PARL: variants seen among roughly 807,000 people sequenced by gnomAD.
The protein encoded by PARL is presenilin associated rhomboid like.
In PARL, 44 loss-of-function variants were observed where a neutral mutation model predicts 51.6. The observed-to-expected ratio is 0.85, with a 90% CI of 0.67 to 1.10. The LOEUF (loss-of-function observed/expected upper bound fraction) is 1.10. Among genes scored for constraint, PARL ranks in the 50% least tolerant of loss-of-function variants. PARL has a pLI of 0.00. For synonymous variants in PARL, 172 were observed against 164.0 expected (o/e 1.05, Z -0.37); for missense variants, 441 against 469.5 (o/e 0.94, Z 0.56).
At chr3:183,881,860 A>G (rs1734468705) in intron 1 of PARL, among the ~76,000 whole-genome samples, 1 of 152,194 alleles carries the variant, frequency 6.6e-6, no homozygotes, top group African/African-American at 2.4e-5. Context: ...GGTCAGTTAA[A>G]ACAAAATATA....
chr3:183,859,336 G>T (rs2108656511), intron 4 of PARL, among the ~76,000 whole-genome samples: 1 of 152,160 alleles, frequency 6.6e-6, no homozygotes, highest in South Asian at 2.1e-4. Flanking sequence ...GTAAGAAGGG[G>T]AGGTTTTTGT....
intron 3 of PARL, 113 bp downstream of exon 3, chr3:183,866,512 T>C (rs1216128759): frequency 2.4e-6 from 2 of 843,742 alleles, no homozygotes; most frequent in East Asian, 4.9e-5. Context: ...TCAGATTTCA[T>C]TATTACACAT....
intron 8 of PARL, 23 bp from the exon 9 acceptor site, chr3:183,833,612 C>A (rs749961731): frequency 6.4e-7 from 1 of 1,559,248 alleles, no homozygotes; most frequent in Non-Finnish European, 8.9e-7. Context: ...AAGAAACAAG[C>A]GGCACAACTG....
chr3:183,839,925 G>A (rs1729095251), intron 7 of PARL, among the ~76,000 whole-genome samples: 1 of 151,298 alleles, frequency 6.6e-6, no homozygotes, highest in South Asian at 2.1e-4. Context: ...TGTACAGATA[G>A]GATCTTGGTA....
At chr3:183,827,580 C>CT (rs1472330072), downstream of PARL, among the ~76,000 whole-genome samples, 4 of 152,220 alleles carry the variant, frequency 2.6e-5, no homozygotes, top group East Asian at 7.7e-4. Flanking sequence ...AGTCCAGGGA[C>CT]TAAGAAGTGA....
chr3:183,842,492 C>A (rs1729441475), intron 5 of PARL, 45 bp from the exon 6 acceptor site: 2 of 1,586,718 alleles, frequency 1.3e-6, no homozygotes, highest in Non-Finnish European at 1.7e-6. Flanking sequence ...AAACACACAG[C>A]CAATAAAAAT....
chr3:183,834,121 G>A (rs1229113976), intron 7 of PARL, among the ~76,000 whole-genome samples: 3 of 152,200 alleles, frequency 2.0e-5, no homozygotes, highest in Non-Finnish European at 4.4e-5. Context: ...TTCACCTATG[G>A]CCTAGGAAAG....
chr3:183,829,043 A>C (rs548404380), downstream of PARL, among the ~76,000 whole-genome samples: 2 of 152,370 alleles, frequency 1.3e-5, no homozygotes, highest in South Asian at 2.1e-4. Context: ...TTTATCTACA[A>C]ATTGAACCTA....
intron 4 of PARL, among the ~76,000 whole-genome samples, chr3:183,851,505 C>G (rs977550677): frequency 6.6e-6 from 1 of 151,934 alleles, no homozygotes; most frequent in Non-Finnish European, 1.5e-5. Flanking sequence ...GAGAAACAGG[C>G]ATTTCTCCGA....
In PARL at chr3:183,835,167, A is replaced by AAC. The variant is rs61408691; in HGVS notation, c.829-1343_829-1342insGT. 5.5e-4 allele frequency among the ~76,000 whole-genome samples: 83 copies of AAC among 151,602 alleles called. 1 individual carries two copies. The highest frequency in any genetic ancestry group is 3.4e-3 in the Middle Eastern group (1 of 294). On this transcript the variant is annotated intron_variant, in intron 7 of 9. Transcript: ENST00000317096. ...TATTTATGAATGAGATGTTTAAAAA[A>AAC]AAAAAAAAGACACCTAAGAGCAAAA...
intron 3 of PARL, among the ~76,000 whole-genome samples, chr3:183,863,055 T>C (rs1182107161): frequency 6.6e-6 from 1 of 152,168 alleles, no homozygotes; most frequent in African/African-American, 2.4e-5. Context: ...CTTCAGTTTC[T>C]TGACACATGA....
At chr3:183,838,809 C>G (rs754524794) in intron 7 of PARL, among the ~76,000 whole-genome samples, 1 of 152,320 alleles carries the variant, frequency 6.6e-6, no homozygotes, top group South Asian at 2.1e-4. Flanking sequence ...ATGAGGACAA[C>G]AGCTGTCCAA....
chr3:183,848,731 G>T (rs1463033017), intron 4 of PARL, among the ~76,000 whole-genome samples: 1 of 152,160 alleles, frequency 6.6e-6, no homozygotes, highest in African/African-American at 2.4e-5. Context: ...TTCACAGAGG[G>T]CATTTGTCAA....
At chr3:183,878,198 A>G (rs1003850989) in intron 1 of PARL, among the ~76,000 whole-genome samples, 1 of 152,156 alleles carries the variant, frequency 6.6e-6, no homozygotes, top group Non-Finnish European at 1.5e-5. Flanking sequence ...TTCACCGCCC[A>G]GTCCTTGGTG....
chr3:183,882,269 T>TTATATATATATATATATATATA (rs1160451429), intron 1 of PARL, among the ~76,000 whole-genome samples: 2 of 30,484 alleles, frequency 6.6e-5, no homozygotes, highest in African/African-American at 1.2e-4. Flanking sequence ...ATATATATAT[T>TTATATATATATATATATATATA]TATATATATA....
At chr3:183,872,795 C>T (rs374361653) in intron 1 of PARL, among the ~76,000 whole-genome samples, 1 of 152,138 alleles carries the variant, frequency 6.6e-6, no homozygotes, top group African/African-American at 2.4e-5. Flanking sequence ...GGACACGTCA[C>T]TGATGTCAAG....
chr3:183,865,434 C>T (rs993331232), intron 3 of PARL, among the ~76,000 whole-genome samples: 6 of 152,148 alleles, frequency 3.9e-5, no homozygotes, highest in East Asian at 3.8e-4. Context: ...ACTAGTGGTC[C>T]GTGGCCTGTT....
intron 4 of PARL, among the ~76,000 whole-genome samples, chr3:183,848,261 T>G (rs561089194): frequency 9.2e-5 from 14 of 152,366 alleles, no homozygotes; most frequent in African/African-American, 3.4e-4. Context: ...TTTTCTTTTT[T>G]GAGACGGAGT....
chr3:183,831,823 GAA>G (rs1727974466), intron 9 of PARL, among the ~76,000 whole-genome samples: 1 of 152,134 alleles, frequency 6.6e-6, no homozygotes, highest in Non-Finnish European at 1.5e-5. Context: ...GGACATGACT[GAA>G]ATCTAGTAAA....
Sources: allele counts gnomAD v4.1 joint callset (sites outside exome capture counted in the v4.1 genomes callset), GRCh38; gene constraint gnomAD v4.1.1; transcripts MANE v1.5; gene names NCBI Gene and HGNC (gene_info 2026-07-23, HGNC 2026-07-21).